The following CORIN variants were observed in gnomAD, a reference collection of about 807,000 sequenced individuals.
The protein encoded by CORIN is atrial natriuretic peptide-converting enzyme.
Under a neutral mutation model 125.3 loss-of-function variants are expected in CORIN, and 117 were observed. The observed-to-expected ratio is 0.93, with a 90% CI of 0.80 to 1.09. The LOEUF (loss-of-function observed/expected upper bound fraction) is 1.09. Among genes scored for constraint, CORIN ranks in the 50% least tolerant of loss-of-function variants. The pLI is 0.00. For synonymous variants in CORIN, 450 were observed against 466.4 expected (o/e 0.96, Z 0.45); for missense variants, 1,253 against 1,306.7 (o/e 0.96, Z 0.63).
At chr4:47,597,972 T>C (rs1358758519) in intron 21 of CORIN, among the ~76,000 whole-genome samples, 1 of 151,984 alleles carries the variant, frequency 6.6e-6, no homozygotes, top group African/African-American at 2.4e-5. Flanking sequence ...TGGAGAGGAA[T>C]AAAAAATGCC....
intron 19 of CORIN, among the ~76,000 whole-genome samples, chr4:47,616,485 A>G (rs1722072458): frequency 6.6e-6 from 1 of 152,192 alleles, no homozygotes; most frequent in Non-Finnish European, 1.5e-5. Flanking sequence ...TTAGTCTCTG[A>G]CATATGAAGA....
intron 1 of CORIN, among the ~76,000 whole-genome samples, chr4:47,817,226 A>G (rs1244432461): frequency 6.6e-6 from 1 of 151,802 alleles, no homozygotes; most frequent in Non-Finnish European, 1.5e-5. Context: ...TCGAATATCA[A>G]TCAAAAAGAA....
intron 14 of CORIN, among the ~76,000 whole-genome samples, chr4:47,643,985 G>C (rs986089437): frequency 6.6e-5 from 10 of 152,186 alleles, no homozygotes; most frequent in Non-Finnish European, 1.5e-4. Context: ...GTGCTTCACA[G>C]GACAGCTCCT....
chr4:47,736,473 A>G (rs1728141625), intron 5 of CORIN, among the ~76,000 whole-genome samples: 1 of 152,226 alleles, frequency 6.6e-6, no homozygotes, highest in South Asian at 2.1e-4. Context: ...ACTATAGAAC[A>G]AAGAGTCTAC....
At position 47,595,511 on chromosome 4, in the gene CORIN, T is replaced by C. The variant is rs1197063276; in HGVS notation, c.*210A>G. 1.0e-5 allele frequency: 4 copies of C among 389,066 alleles called. No individual in the cohort carries two copies. The highest frequency in any genetic ancestry group is 1.8e-5 in the Non-Finnish European group (4 of 219,462). The allele number at this position is 389,066 out of a possible 1,614,324, so 24.1% of individuals were successfully genotyped here. On this transcript the variant is annotated 3_prime_UTR_variant, in exon 22 of 22. Transcript: ENST00000273857. ...TGCTTTGTTTGCTTTTGTAAAGTCT[T>C]TCATTGAACTTGAAATAAGAGAAAA...
chr4:47,621,521 T>G (rs1450942346), intron 19 of CORIN, among the ~76,000 whole-genome samples: 1 of 152,216 alleles, frequency 6.6e-6, no homozygotes, highest in African/African-American at 2.4e-5. Flanking sequence ...TTGTTGTTAT[T>G]GTTTTGTTTA....
At chr4:47,623,096 C>CTCTCTCTATATATATATA (rs771867590) in intron 19 of CORIN, among the ~76,000 whole-genome samples, 54 of 102,266 alleles carry the variant, frequency 5.3e-4, no homozygotes, top group Non-Finnish European at 8.0e-4. Flanking sequence ...CTCTCTCTCT[C>CTCTCTCTATATATATATA]TATATATATA....
intron 1 of CORIN, among the ~76,000 whole-genome samples, chr4:47,821,815 A>C (rs1325130331): frequency 1.3e-5 from 2 of 152,212 alleles, no homozygotes; most frequent in Admixed American, 1.3e-4. Flanking sequence ...TTGCTTATGA[A>C]AAGACAAACC....
intron 1 of CORIN, among the ~76,000 whole-genome samples, chr4:47,817,294 A>C (rs1316820702): frequency 1.1e-5 from 1 of 90,116 alleles, no homozygotes; most frequent in Non-Finnish European, 2.1e-5. Flanking sequence ...ATATATAACA[A>C]AATATATATA....
chr4:47,779,506 G>A (rs1274947120), intron 3 of CORIN, among the ~76,000 whole-genome samples: 2 of 150,202 alleles, frequency 1.3e-5, no homozygotes, highest in African/African-American at 2.5e-5. Flanking sequence ...GTGCGATCTC[G>A]GCTCACTGCA....
chr4:47,635,712 G>A (rs1722996500), intron 16 of CORIN, among the ~76,000 whole-genome samples: 1 of 152,104 alleles, frequency 6.6e-6, no homozygotes, highest in African/African-American at 2.4e-5. Flanking sequence ...AAGACCAAAG[G>A]CTTTTGCATG....
intron 6 of CORIN, among the ~76,000 whole-genome samples, chr4:47,692,230 GTTC>G (rs1378544371): frequency 6.6e-6 from 1 of 152,192 alleles, no homozygotes; most frequent in East Asian, 1.9e-4. Context: ...TGCATGTAGT[GTTC>G]TAATTGGAGA....
intron 16 of CORIN, among the ~76,000 whole-genome samples, chr4:47,639,198 G>A (rs1317159): frequency 0.26 from 39,772 of 151,996 alleles, 5,437 homozygotes; most frequent in Admixed American, 0.36. Context: ...CTGAATGAAC[G>A]GATGAATGAA....
chr4:47,694,767 AGCCAGTGGCTG>A (rs1355176846), intron 5 of CORIN, among the ~76,000 whole-genome samples: 2 of 152,210 alleles, frequency 1.3e-5, no homozygotes, highest in Non-Finnish European at 2.9e-5. Flanking sequence ...CCTGGGACCC[AGCCAGTGGCTG>A]GCACTCAGGA....
At chr4:47,749,051 C>A (rs191197733) in intron 4 of CORIN, among the ~76,000 whole-genome samples, 2 of 152,070 alleles carry the variant, frequency 1.3e-5, no homozygotes, top group Admixed American at 1.3e-4. Flanking sequence ...TCACTTTTTA[C>A]TTTTGGCAAA....
chr4:47,659,045 G>C (rs1190948115), intron 12 of CORIN, among the ~76,000 whole-genome samples: 1 of 152,102 alleles, frequency 6.6e-6, no homozygotes, highest in African/African-American at 2.4e-5. Context: ...AGATCCTTAG[G>C]GCATAAACAG....
intron 3 of CORIN, among the ~76,000 whole-genome samples, chr4:47,771,828 T>A (rs543845055): frequency 8.5e-5 from 13 of 152,306 alleles, no homozygotes; most frequent in Admixed American, 8.5e-4. Context: ...TTGTAAAAAG[T>A]CTTTACAGAC....
intron 13 of CORIN, among the ~76,000 whole-genome samples, chr4:47,649,551 A>G (rs1381619467): frequency 6.6e-6 from 1 of 152,232 alleles, no homozygotes; most frequent in African/African-American, 2.4e-5. Context: ...GCATGTTATA[A>G]GCATTCCAAG....
At chr4:47,613,837 T>C (rs530003015) in intron 19 of CORIN, among the ~76,000 whole-genome samples, 52 of 145,578 alleles carry the variant, frequency 3.6e-4, no homozygotes, top group South Asian at 1.4e-3. Context: ...AGGGATAGCA[T>C]TGGGAGATAT....
Sources: gnomAD v4.1 joint callset for allele counts (sites outside exome capture counted in the v4.1 genomes callset) on GRCh38, gnomAD v4.1.1 for gene constraint, MANE v1.5 for transcripts, NCBI Gene and HGNC (gene_info 2026-07-23, HGNC 2026-07-21) for gene names.